MRE11: variants seen among roughly 807,000 people sequenced by gnomAD.
MRE11 encodes the protein MRE11 double strand break repair nuclease, also known as double-strand break repair protein MRE11.
MRE11 carries 62 observed loss-of-function variants against 91.7 expected under a neutral mutation model. The ratio of observed to expected loss-of-function variants is 0.68; its 90% confidence interval spans 0.55 to 0.84. The LOEUF (loss-of-function observed/expected upper bound fraction) is 0.84, where lower values mean the gene tolerates loss of function less well. Among genes scored for constraint, MRE11 ranks in the 40% least tolerant of loss-of-function variants. The pLI, the probability that MRE11 is intolerant of heterozygous loss-of-function variation, is 0.00. For synonymous variants in MRE11, 273 were observed against 271.4 expected (o/e 1.01, Z -0.06); for missense variants, 796 against 852.9 (o/e 0.93, Z 0.83).
In MRE11 at chr11:94,445,862, G is replaced by T; in HGVS notation, c.1815C>A (p.Ser605Arg). The T allele has an allele frequency of 6.2e-7, 1 of 1,613,764 alleles. No homozygotes were observed. Residue 605 changes from serine (S) to arginine (R), a missense_variant, in exon 16 of 20, where the codon AGC becomes AGA. Ser to Arg is a moderately radical substitution (Grantham distance 110). Coordinates refer to ENST00000323929, the MANE Select transcript of MRE11 (RefSeq NM_005591.4). ...ADTGLETSTR[S>R]RNSKTAVSAS... ...CTGACACAGCAGTCTTTGAGTTCCT[G>T]CTACGGGTAGAAGTCTCCAGACCAG...
chr11:94,441,513 A>T (rs1413932824), intron 16 of MRE11, among the ~76,000 whole-genome samples: 1 of 152,244 alleles, frequency 6.6e-6, no homozygotes, highest in Non-Finnish European at 1.5e-5. Context: ...ACCATAAATA[A>T]GAACCCACAG....
intron 7 of MRE11, chr11:94,475,628 A>T: frequency 2.2e-6 from 1 of 455,850 alleles, no homozygotes; most frequent in Non-Finnish European, 4.4e-6. Context: ...CCCTGCCAAC[A>T]GATTAAATTT....
At chr11:94,471,105 T>C (rs1422910397) in intron 8 of MRE11, among the ~76,000 whole-genome samples, 1 of 152,072 alleles carries the variant, frequency 6.6e-6, no homozygotes, top group Non-Finnish European at 1.5e-5. Flanking sequence ...ACTCAAGTGA[T>C]TCAAAAGATA....
At chr11:94,464,776 A>C (rs564640950) in intron 10 of MRE11, among the ~76,000 whole-genome samples, 1 of 152,302 alleles carries the variant, frequency 6.6e-6, no homozygotes, top group African/African-American at 2.4e-5. Flanking sequence ...AACTTCTCTC[A>C]AGGTAGACTC....
chr11:94,424,421 G>C (rs1432602763), intron 19 of MRE11, among the ~76,000 whole-genome samples: 1 of 152,140 alleles, frequency 6.6e-6, no homozygotes, highest in Non-Finnish European at 1.5e-5. Context: ...AAGAATCAGT[G>C]CAAGAATTCT....
chr11:94,452,736 C>T (rs1476820881), intron 14 of MRE11, among the ~76,000 whole-genome samples: 1 of 152,120 alleles, frequency 6.6e-6, no homozygotes, highest in African/African-American at 2.4e-5. Flanking sequence ...CTCATGAGTG[C>T]AGGTCTAGAG....
chr11:94,471,866 C>G, intron 7 of MRE11, 107 bp from the exon 8 acceptor site: 1 of 871,014 alleles, frequency 1.1e-6, no homozygotes, highest in Admixed American at 2.3e-5. Flanking sequence ...TTTATTGCAT[C>G]CTTCTATGTA....
At position 94,419,992 on chromosome 11, in the gene MRE11, T is replaced by C; in HGVS notation, c.*133A>G. 1 of 680,174 alleles carries C rather than the reference T, an allele frequency of 1.5e-6. No individual in the cohort carries two copies. The highest frequency in any genetic ancestry group is 1.9e-5 in the South Asian group (1 of 51,684). 42.1% of individuals were successfully genotyped at this position (680,174 alleles called of 1,614,324 possible). On this transcript the variant is annotated 3_prime_UTR_variant, in exon 20 of 20. Coordinates refer to ENST00000323929, the MANE Select transcript of MRE11 (RefSeq NM_005591.4). ...AGGTGAATCAATGCTATTGTATGTC[T>C]GTGAACTAGAAATTTCTTACTTATG...
At chr11:94,497,822 G>A, upstream of MRE11, 1 of 417,422 alleles carries the variant, frequency 2.4e-6, no homozygotes, top group Non-Finnish European at 4.3e-6. Flanking sequence ...AGGAGTAAAT[G>A]TATGGTTTGA....
chr11:94,457,664 T>C (rs1403413035), intron 13 of MRE11, among the ~76,000 whole-genome samples: 1 of 152,086 alleles, frequency 6.6e-6, no homozygotes, highest in Admixed American at 6.6e-5. Context: ...CTAAGGATTT[T>C]ACATGGATTA....
In MRE11 at chr11:94,486,087, G is replaced by T; in HGVS notation, c.154-3C>A. 2 of 1,613,054 alleles carry T rather than the reference G, an allele frequency of 1.2e-6. No homozygotes were observed. The highest frequency in any genetic ancestry group is 2.2e-5 in the South Asian group (2 of 90,968). On this transcript the variant is annotated splice_region_variant and splice_polypyrimidine_tract_variant and intron_variant, in intron 3 of 19. Coordinates refer to ENST00000323929, the MANE Select transcript of MRE11 (RefSeq NM_005591.4). ...CCACCTAACAAAATAAAATCCACCT[G>T]ATCAACAGAAAAAGGTGTTAAAATT...
intron 14 of MRE11, among the ~76,000 whole-genome samples, chr11:94,453,906 T>C (rs1049708650): frequency 2.0e-5 from 3 of 152,072 alleles, no homozygotes; most frequent in Admixed American, 2.0e-4. Context: ...AGTTTTTATA[T>C]TTTTAAAGGG....
chr11:94,457,887 TCACACACACACA>T lies in MRE11; in HGVS notation c.1500+1509_1500+1520del, dbSNP rs1555008822. Among the ~76,000 whole-genome samples the T allele has an allele frequency of 1.0e-4, 15 of 144,306 alleles. No individual in the cohort carries two copies. The East Asian group carries it at 2.9e-3, about 28-fold the overall frequency. 94.7% of individuals were successfully genotyped at this position (144,306 alleles called of 152,430 possible). On this transcript the variant is annotated intron_variant, in intron 13 of 19. Transcript: ENST00000323929. Reference sequence around the variant, plus strand: ...TTCTCTCTCTCCCTCTCTCTCTCTCTCACACACACACACACACACACACACACCCCACACAGA... The same window carrying T: ...TTCTCTCTCTCCCTCTCTCTCTCTCTCACACACACACACACCCCACACAGA...
chr11:94,499,816 GT>G, the MRE11 span, among the ~76,000 whole-genome samples: 3 of 152,118 alleles, frequency 2.0e-5, no homozygotes, highest in African/African-American at 7.2e-5. Flanking sequence ...TTTTTAAGAT[GT>G]CCACCAAGGC....
At chr11:94,428,250 C>T (rs561595162) in intron 19 of MRE11, among the ~76,000 whole-genome samples, 1 of 152,264 alleles carries the variant, frequency 6.6e-6, no homozygotes, top group South Asian at 2.1e-4. Flanking sequence ...CATCTACAGC[C>T]ATCTGATCTT....
At chr11:94,511,190 T>TATATAG in the MRE11 span, among the ~76,000 whole-genome samples, 752 of 152,240 alleles carry the variant, frequency 4.9e-3, 6 homozygotes, top group African/African-American at 0.017. Flanking sequence ...TCTCTATATA[T>TATATAG]ATAGATAGAT....
intron 2 of MRE11, 103 bp from the exon 3 acceptor site, chr11:94,491,068 G>A: frequency 1.3e-6 from 1 of 770,942 alleles, no homozygotes; most frequent in South Asian, 1.8e-5. Flanking sequence ...CAGTTATAGA[G>A]TAAAATCATT....
intron 12 of MRE11, among the ~76,000 whole-genome samples, 197 bp downstream of exon 12, chr11:94,460,736 CTAA>C (rs1946392281): frequency 6.6e-6 from 1 of 152,122 alleles, no homozygotes; most frequent in Non-Finnish European, 1.5e-5. Flanking sequence ...AATAACAGTA[CTAA>C]TAACTAACAT....
Position 94,492,954 on chromosome 11 carries a change from G to A in MRE11, c.-105-48C>T, listed in dbSNP as rs746243599. 5 of 703,218 alleles carry A rather than the reference G, an allele frequency of 7.1e-6. No homozygotes were observed. The African/African-American group carries it at 9.0e-5, about 13-fold the overall frequency. 43.6% of individuals were successfully genotyped at this position (703,218 alleles called of 1,614,324 possible). ...AAACACATTTTTTAAAAGCCTGCACGTATTTAACCAACATGATTTACGCTG... is the reference window on the plus strand; with the variant it reads ...AAACACATTTTTTAAAAGCCTGCACATATTTAACCAACATGATTTACGCTG... On this transcript the variant is annotated intron_variant, in intron 1 of 19. Coordinates refer to ENST00000323929, the MANE Select transcript of MRE11 (RefSeq NM_005591.4).
Sources: gnomAD v4.1 joint callset for allele counts (sites outside exome capture counted in the v4.1 genomes callset) on GRCh38, gnomAD v4.1.1 for gene constraint, MANE v1.5 for transcripts, NCBI Gene and HGNC (gene_info 2026-07-23, HGNC 2026-07-21) for gene names.